The following SMCO2 variants were observed in gnomAD, a reference collection of about 807,000 sequenced individuals.
SMCO2 encodes the protein single-pass membrane and coiled-coil domain-containing protein 2.
A neutral mutation model predicts 29.5 loss-of-function variants in SMCO2; 25 were observed. That is an observed-to-expected ratio of 0.85 (90% CI 0.62 to 1.18). The LOEUF is 1.18. Ranked by LOEUF, SMCO2 falls within the 50% of genes most tolerant of loss-of-function variation. The probability of loss-of-function intolerance (pLI) is 0.00; values close to 1 mark genes in which losing one functional copy is unlikely to be tolerated. For missense variants in SMCO2, 348 were observed against 344.5 expected (o/e 1.01, Z -0.08); for synonymous variants, 117 against 123.3 (o/e 0.95, Z 0.34).
the SMCO2 span, among the ~76,000 whole-genome samples, chr12:27,457,706 C>T: frequency 1.4e-3 from 213 of 152,378 alleles, no homozygotes; most frequent in African/African-American, 4.7e-3. Flanking sequence ...ACTTTCATTG[C>T]ACAGTGTTTC....
intron 5 of SMCO2, 141 bp from the exon 7 acceptor site, chr12:27,494,159 C>T (rs1014001025): frequency 2.0e-6 from 1 of 492,192 alleles, no homozygotes; most frequent in African/African-American, 2.0e-5. Context: ...TATGAATTTG[C>T]TCTAAGAGGA....
Position 27,501,697 on chromosome 12 carries a change from T to C in SMCO2, c.684-226T>C, listed in dbSNP as rs544801719. 1.3e-4 allele frequency among the ~76,000 whole-genome samples: 20 copies of C among 150,634 alleles called. 2 individuals carry two copies. The South Asian group carries it at 4.2e-3, about 32-fold the overall frequency. On this transcript the variant is annotated intron_variant, in intron 7 of 7. Transcript: ENST00000298876. Reference sequence around the variant, plus strand: ...GAAAGAACCCCACACTATCCAGGGATTTTATTGTTTCATGGCTATAGGATC... The same window carrying C: ...GAAAGAACCCCACACTATCCAGGGACTTTATTGTTTCATGGCTATAGGATC...
intron 7 of SMCO2, among the ~76,000 whole-genome samples, chr12:27,498,928 G>A (rs1028200194): frequency 6.6e-6 from 1 of 150,518 alleles, no homozygotes; most frequent in African/African-American, 2.5e-5. Flanking sequence ...CAGTAAAAAA[G>A]ACAGACAATA....
chr12:27,479,591 A>C (rs1949622799), intron 4 of SMCO2, among the ~76,000 whole-genome samples: 1 of 152,168 alleles, frequency 6.6e-6, no homozygotes, highest in South Asian at 2.1e-4. Context: ...CCCAAATCTC[A>C]TCTTGAATTG....
chr12:27,479,884 C>T (rs1565677544), intron 4 of SMCO2, among the ~76,000 whole-genome samples: 1 of 152,028 alleles, frequency 6.6e-6, no homozygotes, highest in African/African-American at 2.4e-5. Context: ...CGCAGTCTCA[C>T]ACGTCTTTAC....
Position 27,484,783 on chromosome 12 carries a change from G to T in SMCO2, c.363-3677G>T, listed in dbSNP as rs191530416. On this transcript the variant is annotated intron_variant, in intron 4 of 7. Coordinates refer to ENST00000298876, the Ensembl canonical transcript of SMCO2. Reference sequence around the variant, plus strand: ...CAGGAGAATTGCTTGAATCCAGGAGGTGGAGGCTGCAGTGAGCCAAGATCG... The same window carrying T: ...CAGGAGAATTGCTTGAATCCAGGAGTTGGAGGCTGCAGTGAGCCAAGATCG... Among the ~76,000 whole-genome samples, 132 of 149,660 alleles carry T rather than the reference G, an allele frequency of 8.8e-4. 1 individual carries two copies. The East Asian group carries it at 0.017, about 19-fold the overall frequency.
intron 4 of SMCO2, 52 bp from the exon 6 acceptor site, chr12:27,488,408 C>G: frequency 1.6e-6 from 2 of 1,283,040 alleles, no homozygotes; most frequent in South Asian, 1.9e-5. Flanking sequence ...TACCTCCTCT[C>G]TTGGGTGATT....
At chr12:27,447,760 C>G in the SMCO2 span, among the ~76,000 whole-genome samples, 284 of 151,422 alleles carry the variant, frequency 1.9e-3, 9 homozygotes, top group East Asian at 0.051. Context: ...AACTTTAGGC[C>G]TCACTCCAGA....
intron 4 of SMCO2, among the ~76,000 whole-genome samples, chr12:27,476,404 T>C (rs1489377960): frequency 6.6e-6 from 1 of 152,216 alleles, no homozygotes; most frequent in African/African-American, 2.4e-5. Context: ...TTAAATCCAA[T>C]GTTCCTTTGT....
upstream of SMCO2, among the ~76,000 whole-genome samples, chr12:27,466,429 A>T (rs565065802): frequency 6.6e-6 from 1 of 152,124 alleles, no homozygotes; most frequent in Admixed American, 6.5e-5. Flanking sequence ...AAAATAAAAT[A>T]AAAAAAGGAA....
exon 7 of SMCO2, chr12:27,495,724 G>T: frequency 6.5e-7 from 1 of 1,533,506 alleles, no homozygotes; most frequent in Non-Finnish European, 8.8e-7. Flanking sequence ...AGCTAAGGAT[G>T]TATCAAATGG....
At chr12:27,430,935 G>A in the SMCO2 span, among the ~76,000 whole-genome samples, 1 of 151,942 alleles carries the variant, frequency 6.6e-6, no homozygotes, top group Admixed American at 6.6e-5. Flanking sequence ...TTTATTGTGT[G>A]CTCTCGGGGA....
chr12:27,431,079 G>C, the SMCO2 span, among the ~76,000 whole-genome samples: 1,010 of 151,526 alleles, frequency 6.7e-3, 10 homozygotes, highest in East Asian at 0.048. Flanking sequence ...GCAGTGGTGC[G>C]ATCTCAGCTT....
intron 4 of SMCO2, among the ~76,000 whole-genome samples, chr12:27,479,093 T>G (rs900886413): frequency 6.6e-6 from 1 of 152,128 alleles, no homozygotes; most frequent in Non-Finnish European, 1.5e-5. Flanking sequence ...TGGCTATGGG[T>G]GGAGCAAGTC....
At chr12:27,494,222 C>A in intron 5 of SMCO2, 78 bp from the exon 7 acceptor site, 2 of 944,108 alleles carry the variant, frequency 2.1e-6, no homozygotes, top group South Asian at 2.4e-5. Flanking sequence ...TAAGGTTTGT[C>A]AAAATAAGTG....
chr12:27,441,629 C>T, the SMCO2 span, among the ~76,000 whole-genome samples: 1 of 152,006 alleles, frequency 6.6e-6, no homozygotes, highest in Non-Finnish European at 1.5e-5. Context: ...CATTATAGTG[C>T]GGGCTTTAAC....
At chr12:27,494,305 T>A in exon 6 of SMCO2, 1 of 1,509,968 alleles carries the variant, frequency 6.6e-7, no homozygotes. Flanking sequence ...TTTAGGTGAA[T>A]ACTTGTAATG....
At chr12:27,446,955 G>T in the SMCO2 span, among the ~76,000 whole-genome samples, 2 of 152,152 alleles carry the variant, frequency 1.3e-5, no homozygotes, top group African/African-American at 4.8e-5. Flanking sequence ...CTGGGGTCGG[G>T]GTTAGGGACG....
At chr12:27,483,916 T>TTTTTG (rs1224534186) in intron 4 of SMCO2, among the ~76,000 whole-genome samples, 1 of 151,892 alleles carries the variant, frequency 6.6e-6, no homozygotes, top group Non-Finnish European at 1.5e-5. Context: ...ACGTCAGGGG[T>TTTTTG]TTTTGTTTTG....
Sources: allele counts gnomAD v4.1 joint callset (sites outside exome capture counted in the v4.1 genomes callset), GRCh38; gene constraint gnomAD v4.1.1; transcripts MANE v1.5; gene names NCBI Gene and HGNC (gene_info 2026-07-23, HGNC 2026-07-21).